CDHR5: variants seen among roughly 807,000 people sequenced by gnomAD.
CDHR5 encodes the protein cadherin related family member 5.
A neutral mutation model predicts 69.5 loss-of-function variants in CDHR5; 82 were observed. The ratio of observed to expected loss-of-function variants is 1.18; its 90% confidence interval spans 0.99 to 1.42. The LOEUF (loss-of-function observed/expected upper bound fraction) is 1.42, where lower values mean the gene tolerates loss of function less well. Among genes scored for constraint, CDHR5 ranks in the 40% most tolerant of loss-of-function variants. The pLI is 0.00. For synonymous variants in CDHR5, 601 were observed against 510.2 expected (o/e 1.18, Z -2.40); for missense variants, 1,293 against 1,168.9 (o/e 1.11, Z -1.55).
Position 622,001 on chromosome 11 carries a change from C to T in CDHR5, c.313-97G>A, listed in dbSNP as rs189795355. ...GTCCCCACCGTGAGTGAGGTGCACC[C>T]CTCAACGGCCACCTGTCCCCGCCCT... is the stretch of plus-strand genomic sequence containing the variant. On this transcript the variant is annotated intron_variant, in intron 3 of 14. Coordinates refer to ENST00000397542, the MANE Select transcript of CDHR5 (RefSeq NM_021924.5). 1,149 of 899,804 alleles carry T rather than the reference C, an allele frequency of 1.3e-3. 17 individuals carry two copies. The East Asian group carries it at 0.029, about 23-fold the overall frequency. The allele number at this position is 899,804 out of a possible 1,614,324, so 55.7% of individuals were successfully genotyped here.
At position 619,043 on chromosome 11, in the gene CDHR5, A is replaced by G; in HGVS notation, c.1516T>C (p.Ser506Pro). 1 of 1,612,922 alleles carries G rather than the reference A, an allele frequency of 6.2e-7. No individual in the cohort carries two copies. Among genetic ancestry groups the G allele is most frequent in the Non-Finnish European group, 8.5e-7 (1 of 1,179,706 alleles). The change falls in exon 13 of 15, where the codon TCT (serine) becomes CCT (proline). Residue 506 changes from serine (S) to proline (P), a missense_variant. Transcript: ENST00000397542. ...GTTGGTGGCCTCAGAGTTGTGCCAG[A>G]GGGTGGATGAGGGCCTGTGCCTCCC... ...SGGGTGPHPP[S>P]GTTLRPPTSS... is the part of the protein sequence containing the mutation.
In CDHR5 at chr11:624,858, C is replaced by G. The variant is rs377163782; in HGVS notation, c.45G>C (p.Gly15=). ...TGGTCCCCGGGGGTCGGACGAGCAG[C>G]CCGGTGAACAGCAGGGGAGGCCACA... is the stretch of plus-strand genomic sequence containing the variant. The part of the protein sequence containing the change: ...ALLWPPLLFT[G]LLVRPPGTMA... Residue 15 remains glycine (G), a synonymous_variant, in exon 1 of 15, where the codon GGG becomes GGC. Coordinates refer to ENST00000397542, the MANE Select transcript of CDHR5 (RefSeq NM_021924.5). This position sits in a 1 kb window ranked among gnomAD's most constrained non-coding sequence, Gnocchi z 5.3. The G allele has an allele frequency of 1.3e-6, 2 of 1,589,966 alleles. No individual in the cohort carries two copies. The highest frequency in any genetic ancestry group is 1.1e-5 in the South Asian group (1 of 89,176).
chr11:621,238 C>T lies in CDHR5; in HGVS notation c.631G>A (p.Glu211Lys), dbSNP rs1448468898. The change falls in exon 7 of 15, where the codon GAG becomes AAG. Residue 211 changes from glutamate (E) to lysine (K), a missense_variant. Coordinates refer to ENST00000397542, the MANE Select transcript of CDHR5 (RefSeq NM_021924.5). This position sits in a 1 kb window ranked among gnomAD's most constrained non-coding sequence, Gnocchi z 4.4. ...FWLLVRDTPG[E>K]NVEPSHTATA... Reference sequence around the variant, plus strand: ...GCAGTGTGGCTGGGTTCCACATTCTCCCCCGGAGTGTCCTGCAACAGACGG... The same window carrying T: ...GCAGTGTGGCTGGGTTCCACATTCTTCCCCGGAGTGTCCTGCAACAGACGG... 6 of 1,598,454 alleles carry T rather than the reference C, an allele frequency of 3.8e-6. No individual in the cohort carries two copies. The highest frequency in any genetic ancestry group is 1.7e-4 in the Middle Eastern group (1 of 6,008).
At position 618,047 on chromosome 11, in the gene CDHR5, C is replaced by T. The variant is rs373791097; in HGVS notation, c.2025G>A (p.Leu675=). The change falls in exon 14 of 15, where the codon CTG becomes CTA. Residue 675 remains leucine, a synonymous_variant. Transcript: ENST00000397542. The part of the protein sequence containing the change: ...VVDMAALGGV[L]GALLLLALLG... ...GGAGAGCCAGCAGCAGCAGCGCACC[C>T]AGCACCCCGCCCAGGGCCGCCATAT... 2.7e-5 allele frequency: 44 copies of T among 1,612,218 alleles called. No individual in the cohort carries two copies. The highest frequency in any genetic ancestry group is 2.0e-4 in the South Asian group (18 of 91,034).
At position 624,179 on chromosome 11, in the gene CDHR5, C is replaced by T. The variant is rs777333104; in HGVS notation, c.312+34G>A. ...CAGGGCAGAGCCCAGCAGAGGTGGC[C>T]GGGTGGGGCGGGGAGAGCGGGGCGG... is the stretch of plus-strand genomic sequence containing the variant. On this transcript the variant is annotated intron_variant, in intron 3 of 14. Transcript: ENST00000397542. This position sits in a 1 kb window ranked among gnomAD's most constrained non-coding sequence, Gnocchi z 5.3. The T allele has an allele frequency of 1.6e-5, 8 of 511,846 alleles. No individual in the cohort carries two copies. The highest frequency in any genetic ancestry group is 5.5e-4 in the Middle Eastern group (1 of 1,830). The allele number at this position is 511,846 out of a possible 1,614,324, so 31.7% of individuals were successfully genotyped here.
intron 8 of CDHR5, 64 bp downstream of exon 8, chr11:620,232 A>C: frequency 6.3e-7 from 1 of 1,584,348 alleles, no homozygotes; most frequent in Non-Finnish European, 8.7e-7. Flanking sequence ...GCTCTGCCCA[A>C]GGTGGGGATG....
chr11:622,121 C>T (rs1233292918), intron 3 of CDHR5, among the ~76,000 whole-genome samples: 1 of 151,896 alleles, frequency 6.6e-6, no homozygotes, highest in African/African-American at 2.4e-5. Flanking sequence ...GAGGTGCACC[C>T]CTCAACGGCC....
Position 621,975 on chromosome 11 carries a change from C to T in CDHR5, c.313-71G>A, listed in dbSNP as rs887277959. 1.4e-4 allele frequency: 175 copies of T among 1,220,564 alleles called. No individual in the cohort carries two copies. Among genetic ancestry groups the T allele is most frequent in the Non-Finnish European group, 1.8e-4 (150 of 853,738 alleles). 75.6% of individuals were successfully genotyped at this position (1,220,564 alleles called of 1,614,324 possible). Reference sequence around the variant, plus strand: ...TGAGGTGCACCCCTCGACGGCTATCCGTCCCCACCGTGAGTGAGGTGCACC... The same window carrying T: ...TGAGGTGCACCCCTCGACGGCTATCTGTCCCCACCGTGAGTGAGGTGCACC... On this transcript the variant is annotated intron_variant, in intron 3 of 14. Coordinates refer to ENST00000397542, the MANE Select transcript of CDHR5 (RefSeq NM_021924.5). The surrounding 1 kb of genome is among the most constrained non-coding windows in gnomAD (Gnocchi z 4.4).
Position 624,936 on chromosome 11 carries a change from C to A in CDHR5, c.-34G>T. The A allele has an allele frequency of 6.6e-7, 1 of 1,504,278 alleles. No individual in the cohort carries two copies. Among genetic ancestry groups the A allele is most frequent in the Non-Finnish European group, 8.9e-7 (1 of 1,119,034 alleles). 93.2% of individuals were successfully genotyped at this position (1,504,278 alleles called of 1,614,324 possible). ...CTGTCACCTGGCAGGAGGGTCTGAG[C>A]GGGTCTGGCGTCTAGGACTGGCGCA... is the stretch of plus-strand genomic sequence containing the variant. On this transcript the variant is annotated 5_prime_UTR_variant, in exon 1 of 15. Coordinates refer to ENST00000397542, the MANE Select transcript of CDHR5 (RefSeq NM_021924.5). This position sits in a 1 kb window ranked among gnomAD's most constrained non-coding sequence, Gnocchi z 5.3.
chr11:619,963 G>A, intron 9 of CDHR5, 82 bp from the exon 10 acceptor site: 1 of 1,419,108 alleles, frequency 7.0e-7, no homozygotes, highest in Admixed American at 2.1e-5. Flanking sequence ...AAAGGCAGGT[G>A]CAGACTTGGC....
At chr11:620,997 CTT>C in intron 7 of CDHR5, 81 bp downstream of exon 7, 8 of 1,052,422 alleles carry the variant, frequency 7.6e-6, no homozygotes, top group Non-Finnish European at 1.1e-5. Flanking sequence ...CGACCCCGCC[CTT>C]CCTCTCCTGA....
At position 624,915 on chromosome 11, in the gene CDHR5, C is replaced by T. The variant is rs1857642810; in HGVS notation, c.-13G>A. 1 of 1,542,904 alleles carries T rather than the reference C, an allele frequency of 6.5e-7. No homozygotes were observed. Among genetic ancestry groups the T allele is most frequent in the Non-Finnish European group, 8.7e-7 (1 of 1,147,182 alleles). On this transcript the variant is annotated 5_prime_UTR_variant, in exon 1 of 15. Coordinates refer to ENST00000397542, the MANE Select transcript of CDHR5 (RefSeq NM_021924.5). This position sits in a 1 kb window ranked among gnomAD's most constrained non-coding sequence, Gnocchi z 5.3. The stretch of plus-strand genomic sequence containing the variant: ...CCCAAGACCCCATCTTGGCGGCTGT[C>T]ACCTGGCAGGAGGGTCTGAGCGGGT...
chr11:623,354 A>C (rs1857532307), intron 3 of CDHR5, among the ~76,000 whole-genome samples: 1 of 152,184 alleles, frequency 6.6e-6, no homozygotes, highest in Non-Finnish European at 1.5e-5. Flanking sequence ...AGATATGTGC[A>C]GGTGACGTGC....
In CDHR5 at chr11:617,639, G is replaced by C. The variant is rs758111098; in HGVS notation, c.2250C>G (p.Pro750=). Residue 750 remains proline, a synonymous_variant, in exon 15 of 15, where the codon CCC becomes CCG. Transcript: ENST00000397542. ...GGGCACCGCCTGGGGAGGCAGGGCC[G>C]GGGGGTGCGGGCTCTGCGGGCATCG... The part of the protein sequence containing the change: ...EAPMPAEPAP[P]GPASPGGAPE... 6.4e-7 allele frequency: 1 copy of C among 1,561,360 alleles called. No individual in the cohort carries two copies. The highest frequency in any genetic ancestry group is 8.7e-7 in the Non-Finnish European group (1 of 1,155,050).
At chr11:620,695 C>T (rs550485160) in intron 7 of CDHR5, among the ~76,000 whole-genome samples, 1 of 152,304 alleles carries the variant, frequency 6.6e-6, no homozygotes, top group Non-Finnish European at 1.5e-5. Context: ...ATTTCTGCCT[C>T]CCATGTACTG....
At chr11:620,513 G>A (rs1317512841) in intron 7 of CDHR5, 127 bp from the exon 8 acceptor site, 18 of 628,118 alleles carry the variant, frequency 2.9e-5, no homozygotes, top group African/African-American at 1.5e-4. Flanking sequence ...GTGGCCGGGC[G>A]TCCCTGCCTG....
chr11:621,715 C>T lies in CDHR5; in HGVS notation c.406-52G>A, dbSNP rs2133207156. 6.4e-7 allele frequency: 1 copy of T among 1,553,896 alleles called. No individual in the cohort carries two copies. Among genetic ancestry groups the T allele is most frequent in the South Asian group, 1.1e-5 (1 of 89,820 alleles). On this transcript the variant is annotated intron_variant, in intron 4 of 14. Transcript: ENST00000397542. This position sits in a 1 kb window ranked among gnomAD's most constrained non-coding sequence, Gnocchi z 4.4. ...GCCACACTCTTGGCCCCTGTGGACCCCCACTGTGGTTGAGCCCCCGGCCAC... is the reference window on the plus strand; with the variant it reads ...GCCACACTCTTGGCCCCTGTGGACCTCCACTGTGGTTGAGCCCCCGGCCAC...
chr11:619,701 C>CT lies in CDHR5; in HGVS notation c.1158_1159insA (p.Ala387SerfsTer47). ...TCTACCGAGAACTCCGGGTCCTGAG[C>CT]CTGGATCCTCAGAGGCTGAGAAGGG... On this transcript the variant is annotated frameshift_variant, in exon 10 of 15. Transcript: ENST00000397542. LOFTEE classifies it high-confidence loss of function. 1 of 1,613,288 alleles carries CT rather than the reference C, an allele frequency of 6.2e-7. No individual in the cohort carries two copies. The highest frequency in any genetic ancestry group is 8.5e-7 in the Non-Finnish European group (1 of 1,179,984).
chr11:620,017 CT>C (rs1564896836), intron 9 of CDHR5, 49 bp downstream of exon 9: 1 of 1,399,504 alleles, frequency 7.1e-7, no homozygotes, highest in South Asian at 1.3e-5. Context: ...CCCGCCCTAC[CT>C]TCCACCCTTC....
Sources: allele counts gnomAD v4.1 joint callset (sites outside exome capture counted in the v4.1 genomes callset), GRCh38; gene constraint gnomAD v4.1.1; non-coding constraint Gnocchi (gnomAD v3.1); transcripts MANE v1.5; gene names NCBI Gene and HGNC (gene_info 2026-07-23, HGNC 2026-07-21).